Variants in MLLT3 observed in about 807,000 individuals in gnomAD.
MLLT3 encodes the protein MLLT3 super elongation complex subunit, also known as protein AF-9.
MLLT3 carries 4 observed loss-of-function variants against 53.2 expected under a neutral mutation model. The ratio of observed to expected loss-of-function variants is 0.08; its 90% CI spans 0.04 to 0.17. The LOEUF (loss-of-function observed/expected upper bound fraction) is 0.17, where lower values mean the gene tolerates loss of function less well. Among genes scored for constraint, MLLT3 ranks in the 10% least tolerant of loss-of-function variants. The pLI is 1.00. For synonymous variants in MLLT3, 283 were observed against 230.6 expected (o/e 1.23, Z -2.06); for missense variants, 569 against 684.0 (o/e 0.83, Z 1.87).
At chr9:20,556,712 G>A (rs1333301129) in intron 2 of MLLT3, among the ~76,000 whole-genome samples, 4 of 151,804 alleles carry the variant, frequency 2.6e-5, no homozygotes, top group East Asian at 3.9e-4. Context: ...ATAAAAGTTG[G>A]GGGAGAAATA....
intron 2 of MLLT3, among the ~76,000 whole-genome samples, chr9:20,582,291 A>G (rs1157541156): frequency 1.3e-5 from 2 of 152,268 alleles, no homozygotes; most frequent in South Asian, 2.1e-4. Flanking sequence ...CGGAAGTTCT[A>G]TGGGTTTTGA....
At chr9:20,524,423 T>C (rs561973978) in intron 2 of MLLT3, among the ~76,000 whole-genome samples, 23 of 152,252 alleles carry the variant, frequency 1.5e-4, no homozygotes, top group Admixed American at 3.3e-4. Flanking sequence ...CAATAGAATA[T>C]TGAAATGTTT....
At chr9:20,527,799 T>C (rs945365725) in intron 2 of MLLT3, among the ~76,000 whole-genome samples, 1 of 152,166 alleles carries the variant, frequency 6.6e-6, no homozygotes, top group African/African-American at 2.4e-5. Context: ...ACTGGAAAAG[T>C]CAAACAACAG....
intron 3 of MLLT3, among the ~76,000 whole-genome samples, chr9:20,451,243 G>A (rs765567394): frequency 2.6e-5 from 4 of 152,122 alleles, no homozygotes; most frequent in Non-Finnish European, 5.9e-5. Flanking sequence ...TGGGAAGACT[G>A]TACCAAATAG....
At chr9:20,444,090 T>A (rs1193996558) in intron 4 of MLLT3, among the ~76,000 whole-genome samples, 2 of 152,210 alleles carry the variant, frequency 1.3e-5, no homozygotes, top group Non-Finnish European at 2.9e-5. Context: ...TCTTCTTTCA[T>A]CTATCTTATA....
At chr9:20,511,831 T>C (rs910523458) in intron 2 of MLLT3, among the ~76,000 whole-genome samples, 1 of 152,086 alleles carries the variant, frequency 6.6e-6, no homozygotes, top group African/African-American at 2.4e-5. Flanking sequence ...GAGGAACACC[T>C]ATAAGTGCTC....
chr9:20,589,306 C>G (rs1485618899), intron 2 of MLLT3, among the ~76,000 whole-genome samples: 1 of 151,600 alleles, frequency 6.6e-6, no homozygotes, highest in African/African-American at 2.4e-5. Context: ...AAATTGGAAA[C>G]CATCATTCTC....
chr9:20,422,158 T>G (rs1823025471), intron 4 of MLLT3, among the ~76,000 whole-genome samples: 1 of 152,106 alleles, frequency 6.6e-6, no homozygotes. Context: ...CCAAGAGTCT[T>G]TCGTTCAAAA....
At chr9:20,479,067 C>T (rs1187022399) in intron 2 of MLLT3, among the ~76,000 whole-genome samples, 3 of 152,162 alleles carry the variant, frequency 2.0e-5, no homozygotes, top group Admixed American at 2.0e-4. Context: ...GCCTGAATTC[C>T]TTCTCTTATG....
At chr9:20,525,187 A>C (rs1451642356) in intron 2 of MLLT3, among the ~76,000 whole-genome samples, 1 of 151,902 alleles carries the variant, frequency 6.6e-6, no homozygotes, top group Non-Finnish European at 1.5e-5. Flanking sequence ...AACATTTATA[A>C]GTTCTACAAA....
chr9:20,601,398 CTG>C (rs935035765), intron 2 of MLLT3, among the ~76,000 whole-genome samples: 18 of 152,338 alleles, frequency 1.2e-4, no homozygotes, highest in African/African-American at 4.1e-4. Flanking sequence ...CTGCAACTGA[CTG>C]TGGAAAATAT....
chr9:20,499,119 T>C (rs1712318940), intron 2 of MLLT3, among the ~76,000 whole-genome samples: 1 of 152,208 alleles, frequency 6.6e-6, no homozygotes, highest in African/African-American at 2.4e-5. Context: ...CCAATCTCTG[T>C]CTCCATCTTC....
At chr9:20,571,072 G>C (rs1819518927) in intron 2 of MLLT3, among the ~76,000 whole-genome samples, 1 of 152,182 alleles carries the variant, frequency 6.6e-6, no homozygotes. Flanking sequence ...AAAGCACACA[G>C]TGGCTTAGTT....
chr9:20,622,198 A>G, intron 1 of MLLT3, 47 bp downstream of exon 1: 6 of 1,563,330 alleles, frequency 3.8e-6, no homozygotes, highest in Non-Finnish European at 5.3e-6. Flanking sequence ...CAGGGCGAGG[A>G]AGGAAAGTGG....
chr9:20,353,482 C>G (rs377706549), intron 10 of MLLT3, 43 bp downstream of exon 10: 27 of 1,563,810 alleles, frequency 1.7e-5, no homozygotes, highest in Non-Finnish European at 2.3e-5. Context: ...CAAACCAAGT[C>G]TTGAAGTTTC....
intron 2 of MLLT3, among the ~76,000 whole-genome samples, chr9:20,544,008 A>G (rs1484628733): frequency 2.0e-5 from 3 of 152,230 alleles, no homozygotes; most frequent in African/African-American, 7.2e-5. Flanking sequence ...AAAGACAGAC[A>G]TATAAATAAA....
At chr9:20,370,102 G>T (rs1165210398) in intron 5 of MLLT3, among the ~76,000 whole-genome samples, 2 of 152,192 alleles carry the variant, frequency 1.3e-5, no homozygotes, top group African/African-American at 4.8e-5. Context: ...TGCTATGCAT[G>T]TAGTTTCTTT....
intron 4 of MLLT3, among the ~76,000 whole-genome samples, chr9:20,427,053 T>C (rs921559146): frequency 6.6e-6 from 1 of 152,088 alleles, no homozygotes; most frequent in Admixed American, 6.6e-5. Flanking sequence ...GGTCTCAGGA[T>C]TCCCAATGTT....
chr9:20,342,350 C>T lies in MLLT3; in HGVS notation c.*4093G>A, dbSNP rs1820755164. ...AAGCATGTACACATACACAATGTAT[C>T]TTTCAACATAACTACACATACACAG... On this transcript the variant is annotated 3_prime_UTR_variant, in exon 11 of 11. Transcript: ENST00000380338. 4.4e-6 allele frequency: 1 copy of T among 224,802 alleles called. No individual in the cohort carries two copies. Among genetic ancestry groups the T allele is most frequent in the South Asian group, 1.8e-4 (1 of 5,466 alleles). 13.9% of individuals were successfully genotyped at this position (224,802 alleles called of 1,614,324 possible).
Sources: gnomAD v4.1 joint callset for allele counts (sites outside exome capture counted in the v4.1 genomes callset) on GRCh38, gnomAD v4.1.1 for gene constraint, MANE v1.5 for transcripts, NCBI Gene and HGNC (gene_info 2026-07-23, HGNC 2026-07-21) for gene names.